GPR158: variants seen among roughly 807,000 people sequenced by gnomAD.
GPR158 encodes metabotropic glycine receptor.
Under a neutral mutation model 78.2 loss-of-function variants are expected in GPR158, and 30 were observed. That is an observed-to-expected ratio of 0.38 (90% CI 0.29 to 0.52). GPR158 has a LOEUF of 0.52. Ranked by LOEUF, GPR158 falls within the 20% of genes least tolerant of loss-of-function variation. The pLI is 0.83. For synonymous variants in GPR158, 581 were observed against 591.1 expected, an observed-to-expected ratio of 0.98 and a Z score of 0.25; for missense variants, 1,463 against 1,523.5, an observed-to-expected ratio of 0.96 and a Z score of 0.66.
At chr10:25,221,238 C>CAA (rs1853295357) in intron 2 of GPR158, 81 bp downstream of exon 2, 4 of 716,984 alleles carry the variant, frequency 5.6e-6, no homozygotes, top group Non-Finnish European at 9.4e-6. Flanking sequence ...GGTAAATGAA[C>CAA]AAGAGGCATC....
chr10:25,415,236 C>T (rs1773689), intron 4 of GPR158, among the ~76,000 whole-genome samples: 63,164 of 151,822 alleles, frequency 0.42, 14,652 homozygotes, highest in Middle Eastern at 0.55. Flanking sequence ...AGAAAACACA[C>T]AGAATGGCAG....
chr10:25,586,352 A>T (rs2130744976), intron 7 of GPR158, among the ~76,000 whole-genome samples: 1 of 151,010 alleles, frequency 6.6e-6, no homozygotes, highest in Admixed American at 6.6e-5. Flanking sequence ...TTCCTTTGGG[A>T]CAGGAATTAT....
chr10:25,325,692 T>C (rs572504513), intron 2 of GPR158, among the ~76,000 whole-genome samples: 53 of 152,282 alleles, frequency 3.5e-4, no homozygotes, highest in African/African-American at 1.3e-3. Flanking sequence ...TTTCATACCA[T>C]TTTTTATAGT....
chr10:25,393,132 A>G (rs1834323699), intron 2 of GPR158, among the ~76,000 whole-genome samples: 1 of 152,234 alleles, frequency 6.6e-6, no homozygotes, highest in African/African-American at 2.4e-5. Context: ...GATCTAATCA[A>G]TTCAATTTTT....
At chr10:25,361,698 C>G (rs916477468) in intron 2 of GPR158, among the ~76,000 whole-genome samples, 1 of 151,944 alleles carries the variant, frequency 6.6e-6, no homozygotes, top group South Asian at 2.1e-4. Flanking sequence ...TTCCATTAAG[C>G]AAGCATCTCT....
chr10:25,216,475 G>A (rs1238543003), intron 1 of GPR158, among the ~76,000 whole-genome samples: 2 of 151,876 alleles, frequency 1.3e-5, no homozygotes, highest in East Asian at 1.9e-4. Context: ...TTTTTTGGGG[G>A]TGGGGGGAAT....
chr10:25,390,067 T>C (rs1834272874), intron 2 of GPR158, among the ~76,000 whole-genome samples: 1 of 152,190 alleles, frequency 6.6e-6, no homozygotes, highest in Non-Finnish European at 1.5e-5. Flanking sequence ...ATGTAAGACA[T>C]GCTTTGGCTC....
chr10:25,192,210 C>A (rs1852780347), intron 1 of GPR158, among the ~76,000 whole-genome samples: 1 of 152,112 alleles, frequency 6.6e-6, no homozygotes, highest in Admixed American at 6.6e-5. Flanking sequence ...GTGTAGTAGT[C>A]CCTCCTGGGT....
chr10:25,214,581 A>C (rs1224856438), intron 1 of GPR158, among the ~76,000 whole-genome samples: 1 of 152,094 alleles, frequency 6.6e-6, no homozygotes, highest in Non-Finnish European at 1.5e-5. Flanking sequence ...TCAGGATACC[A>C]TATATTATGG....
At chr10:25,360,099 A>G (rs1855610745) in intron 2 of GPR158, among the ~76,000 whole-genome samples, 1 of 151,784 alleles carries the variant, frequency 6.6e-6, no homozygotes, top group Admixed American at 6.6e-5. Context: ...CTACTTTTTG[A>G]TGAGGTTGTT....
At chr10:25,318,223 C>T (rs1405192464) in intron 2 of GPR158, among the ~76,000 whole-genome samples, 1 of 151,838 alleles carries the variant, frequency 6.6e-6, no homozygotes, top group African/African-American at 2.4e-5. Flanking sequence ...AATTATGTGT[C>T]TTACAGTATC....
chr10:25,544,296 T>A (rs1836630136), intron 5 of GPR158, among the ~76,000 whole-genome samples: 1 of 152,006 alleles, frequency 6.6e-6, no homozygotes. Context: ...TTTTATTTTT[T>A]TTTTGTGATA....
intron 2 of GPR158, among the ~76,000 whole-genome samples, chr10:25,294,338 C>T (rs769080064): frequency 6.6e-6 from 1 of 151,912 alleles, no homozygotes; most frequent in Non-Finnish European, 1.5e-5. Context: ...ATATTAAAAT[C>T]GTGTCTTAAT....
At chr10:25,498,892 T>C (rs1443487632) in intron 5 of GPR158, among the ~76,000 whole-genome samples, 1 of 152,098 alleles carries the variant, frequency 6.6e-6, no homozygotes, top group African/African-American at 2.4e-5. Context: ...TCCCCTGCAT[T>C]GAGACTGGAG....
intron 6 of GPR158, among the ~76,000 whole-genome samples, chr10:25,563,490 C>T (rs10828826): frequency 0.26 from 39,097 of 152,068 alleles, 9,483 homozygotes; most frequent in African/African-American, 0.61. Context: ...ATATATTTTA[C>T]ATCCATTTTG....
chr10:25,453,103 C>T (rs1475865563), intron 4 of GPR158, among the ~76,000 whole-genome samples: 1 of 152,178 alleles, frequency 6.6e-6, no homozygotes, highest in Non-Finnish European at 1.5e-5. Flanking sequence ...ACATACACCA[C>T]ATTTTCTATA....
chr10:25,378,480 C>T lies in GPR158; in HGVS notation c.1009-17431C>T, dbSNP rs145088063. 4.0e-3 allele frequency among the ~76,000 whole-genome samples: 614 copies of T among 151,660 alleles called. 6 individuals carry two copies. Among genetic ancestry groups the T allele is most frequent in the Non-Finnish European group, 7.1e-3 (482 of 67,892 alleles). ...TACTTTCCTTCTTTCTTATTTTATT[C>T]GTATATACCATCTTAGTTTATATTT... On this transcript the variant is annotated intron_variant, in intron 2 of 10. Coordinates refer to ENST00000376351, the MANE Select transcript of GPR158 (RefSeq NM_020752.3).
rs750884627 is a variant in GPR158 at position 25,599,155 on chromosome 10, G to A, written c.3529G>A (p.Glu1177Lys). 2.5e-6 allele frequency: 4 copies of A among 1,610,946 alleles called. No individual in the cohort carries two copies. The highest frequency in any genetic ancestry group is 3.4e-6 in the Non-Finnish European group (4 of 1,179,966). ...AGCAGAGGTTTGTCCTTGGGAGTTT[G>A]AGACCCCAGCTCAACCAAATGCTGG... is the stretch of plus-strand genomic sequence containing the variant. ...SRAEVCPWEF[E>K]TPAQPNAGRS... The change falls in exon 11 of 11, where the codon GAG becomes AAG. Residue 1177 changes from glutamate to lysine, a missense_variant. Transcript: ENST00000376351.
At chr10:25,199,317 A>G (rs747078872) in intron 1 of GPR158, among the ~76,000 whole-genome samples, 4 of 152,002 alleles carry the variant, frequency 2.6e-5, no homozygotes, top group Admixed American at 2.6e-4. Context: ...CCTTCTACTC[A>G]TCACTCTCAA....
Sources: gnomAD v4.1 joint callset for allele counts (sites outside exome capture counted in the v4.1 genomes callset) on GRCh38, gnomAD v4.1.1 for gene constraint, MANE v1.5 for transcripts, NCBI Gene and HGNC (gene_info 2026-07-23, HGNC 2026-07-21) for gene names.